Variants in CLASRP observed in about 807,000 individuals in gnomAD.
The protein encoded by CLASRP is CLK4-associating serine/arginine rich protein.
CLASRP carries 52 observed loss-of-function variants against 99.9 expected under a neutral mutation model. That is an observed-to-expected ratio of 0.52 (90% confidence interval 0.42 to 0.66). CLASRP has a LOEUF of 0.66. Ranked by LOEUF, CLASRP falls within the 30% of genes least tolerant of loss-of-function variation. The pLI, the probability that CLASRP is intolerant of heterozygous loss-of-function variation, is 0.00. For synonymous variants in CLASRP, 379 were observed against 373.0 expected, an observed-to-expected ratio of 1.02 and a Z score of -0.18; for missense variants, 848 against 999.2, an observed-to-expected ratio of 0.85 and a Z score of 2.04.
rs1015150244 is a variant in CLASRP at position 45,064,437 on chromosome 19, G to A, written c.1216G>A (p.Gly406Arg). Residue 406 changes from glycine to arginine, a missense_variant, in exon 13 of 21, where the codon GGG becomes AGG. Gly to Arg is a moderately radical substitution (Grantham distance 125, BLOSUM62 -2). This residue lies in a region of CLASRP where 489 missense variants were observed against 434.7 expected (regional missense o/e 1.12). Coordinates refer to ENST00000221455, the MANE Select transcript of CLASRP (RefSeq NM_007056.3). Reference sequence around the variant, plus strand: ...CTCCAGCTCCCGCTCTCGCCGTGGTGGGGGCTACTACCGTTCCGGCCGCCA... The same window carrying A: ...CTCCAGCTCCCGCTCTCGCCGTGGTAGGGGCTACTACCGTTCCGGCCGCCA... ...SRSSSRSRRG[G>R]GYYRSGRHAR... The A allele has an allele frequency of 2.6e-6, 4 of 1,525,346 alleles. No homozygotes were observed. Among genetic ancestry groups the A allele is most frequent in the Non-Finnish European group, 3.5e-6 (4 of 1,136,888 alleles). The allele number at this position is 1,525,346 out of a possible 1,614,324, so 94.5% of individuals were successfully genotyped here.
Position 45,067,578 on chromosome 19 carries a change from G to C in CLASRP, c.1651G>C (p.Gly551Arg). 1 of 1,599,652 alleles carries C rather than the reference G, an allele frequency of 6.3e-7. No homozygotes were observed. Among genetic ancestry groups the C allele is most frequent in the Non-Finnish European group, 8.5e-7 (1 of 1,174,692 alleles). The change falls in exon 14 of 21, where the codon GGC (glycine) becomes CGC (arginine). Residue 551 changes from glycine (G) to arginine (R), a missense_variant. Coordinates refer to ENST00000221455, the MANE Select transcript of CLASRP (RefSeq NM_007056.3). The surrounding 1 kb of genome is among the most constrained non-coding windows in gnomAD (Gnocchi z 4.9). ...CAGGCCGGCCGCGTCCCCTGCTGTG[G>C]GCGAGAAGCTGAAAAAGTGAGCGGG... ...LTRPAASPAV[G>R]EKLKKTEPAA...
At chr19:45,046,157 G>A (rs1971912451) in intron 2 of CLASRP, among the ~76,000 whole-genome samples, 1 of 152,156 alleles carries the variant, frequency 6.6e-6, no homozygotes, top group Admixed American at 6.6e-5. Context: ...CTTTGAGGAG[G>A]GGACTCTCAT....
chr19:45,068,207 C>T (rs1967138027), intron 15 of CLASRP, 153 bp downstream of exon 15: 4 of 704,460 alleles, frequency 5.7e-6, no homozygotes, highest in Non-Finnish European at 1.0e-5. Flanking sequence ...CTGTGAGAAC[C>T]ATGTCCCTCT....
Position 45,057,766 on chromosome 19 carries a change from GC to G in CLASRP, c.482del (p.Ala161ValfsTer15), listed in dbSNP as rs769112057. ...DEKKKLAEKK[A>X]SIGYTYEDST... ...CTTTCTCAGGCTGGCAGAGAAGAAG[GC>G]TTCCATCGGTTATACCTACGAGGAC... is the stretch of plus-strand genomic sequence containing the variant. On this transcript the variant is annotated frameshift_variant, in exon 7 of 21. Transcript: ENST00000221455. LOFTEE classifies it high-confidence loss of function. The G allele has an allele frequency of 6.2e-7, 1 of 1,614,030 alleles. No individual in the cohort carries two copies. Among genetic ancestry groups the G allele is most frequent in the Admixed American group, 1.7e-5 (1 of 60,004 alleles).
rs187420123 is a variant in CLASRP at position 45,044,317 on chromosome 19, C to T, written c.99+4006C>T. 3.7e-3 allele frequency among the ~76,000 whole-genome samples: 570 copies of T among 152,368 alleles called. 2 individuals are homozygous for T. The highest frequency in any genetic ancestry group is 0.013 in the African/African-American group (539 of 41,590). ...AAGGTGATGCCACGATAACAGCTAA[C>T]GCTGTTGGGCAGTTCTGTGGTAACC... On this transcript the variant is annotated intron_variant, in intron 2 of 20. Transcript: ENST00000221455.
chr19:45,049,852 G>T (rs1971988325), intron 2 of CLASRP, among the ~76,000 whole-genome samples: 1 of 152,162 alleles, frequency 6.6e-6, no homozygotes. Context: ...GGTGATGAAT[G>T]AATATTAGGT....
chr19:45,052,479 G>A (rs112497944), intron 3 of CLASRP, among the ~76,000 whole-genome samples: 1 of 152,040 alleles, frequency 6.6e-6, no homozygotes, highest in Non-Finnish European at 1.5e-5. Flanking sequence ...CCTGGGGCCC[G>A]CCCCTCAAAT....
In CLASRP at chr19:45,064,391, C is replaced by T; in HGVS notation, c.1170C>T (p.Ser390=). The change falls in exon 13 of 21, where the codon TCC becomes TCT. Residue 390 remains serine (S), a synonymous_variant. Transcript: ENST00000221455. ...SSSSSSASRT[S]SSRSSSRSSS... ...CCTCCTCTTCTGCCTCGAGGACCTC[C>T]AGCTCCCGCTCCAGCTCTCGCTCCA... 3.3e-6 allele frequency: 5 copies of T among 1,531,826 alleles called. No individual in the cohort carries two copies. Among genetic ancestry groups the T allele is most frequent in the Non-Finnish European group, 4.4e-6 (5 of 1,142,606 alleles). 94.9% of individuals were successfully genotyped at this position (1,531,826 alleles called of 1,614,324 possible).
At chr19:45,066,689 C>T (rs1967095176) in intron 13 of CLASRP, among the ~76,000 whole-genome samples, 1 of 150,690 alleles carries the variant, frequency 6.6e-6, no homozygotes, top group Admixed American at 6.6e-5. Flanking sequence ...AATTGGCTTC[C>T]AGGTCATATA....
intron 2 of CLASRP, among the ~76,000 whole-genome samples, chr19:45,043,434 A>AAAAT (rs1555729335): frequency 6.9e-6 from 1 of 145,812 alleles, no homozygotes; most frequent in Non-Finnish European, 1.5e-5. Flanking sequence ...AAAAAAAAAA[A>AAAAT]TTTTTTCCAT....
At chr19:45,065,029 G>T (rs1208398553) in intron 13 of CLASRP, among the ~76,000 whole-genome samples, 1 of 152,108 alleles carries the variant, frequency 6.6e-6, no homozygotes, top group Non-Finnish European at 1.5e-5. Flanking sequence ...GAAACCCCTT[G>T]CGGAGGGGGA....
intron 7 of CLASRP, 91 bp from the exon 8 acceptor site, chr19:45,059,177 C>T (rs900357780): frequency 3.2e-5 from 33 of 1,022,710 alleles, no homozygotes; most frequent in East Asian, 2.9e-4. Flanking sequence ...GTCTGGCGGG[C>T]GCCCCATCAT....
chr19:45,042,425 A>G (rs979419047), intron 2 of CLASRP, among the ~76,000 whole-genome samples: 2 of 151,842 alleles, frequency 1.3e-5, no homozygotes, highest in Non-Finnish European at 2.9e-5. Context: ...AGGCTGAGGC[A>G]GGAGAATTGC....
chr19:45,057,608 G>A (rs373383786), intron 6 of CLASRP, 142 bp from the exon 7 acceptor site: 2 of 879,388 alleles, frequency 2.3e-6, no homozygotes, highest in East Asian at 2.5e-5. Context: ...GAGGAGCTGG[G>A]TGTGGGCAGG....
chr19:45,062,179 T>C lies in CLASRP; in HGVS notation c.889T>C (p.Tyr297His). The part of the protein sequence containing the change: ...PSYARRDSPT[Y>H]DPYKRSPSES... ...CTATGCCCGCCGAGACAGCCCCACC[T>C]ATGACCCCTATAAGCGGTAAGTTGC... Residue 297 changes from tyrosine (Y) to histidine (H), a missense_variant, in exon 11 of 21, where the codon TAT becomes CAT. Physicochemically the swap from Tyr to His is moderately conservative, Grantham distance 83. This residue lies in a region of CLASRP where 489 missense variants were observed against 434.7 expected (regional missense o/e 1.12). Transcript: ENST00000221455. 1 of 1,545,518 alleles carries C rather than the reference T, an allele frequency of 6.5e-7. No individual in the cohort carries two copies. Among genetic ancestry groups the C allele is most frequent in the Non-Finnish European group, 8.9e-7 (1 of 1,117,724 alleles).
chr19:45,060,739 T>C lies in CLASRP; in HGVS notation c.863+112T>C. Reference sequence around the variant, plus strand: ...GGCATTTGACTTGAGAAAGGAGTCTTTCTAGTGGGGCGATGCATGGCCATC... The same window carrying C: ...GGCATTTGACTTGAGAAAGGAGTCTCTCTAGTGGGGCGATGCATGGCCATC... On this transcript the variant is annotated intron_variant, in intron 10 of 20. Coordinates refer to ENST00000221455, the MANE Select transcript of CLASRP (RefSeq NM_007056.3). This position sits in a 1 kb window ranked among gnomAD's most constrained non-coding sequence, Gnocchi z 4.6. 3 of 841,250 alleles carry C rather than the reference T, an allele frequency of 3.6e-6. No individual in the cohort carries two copies. The highest frequency in any genetic ancestry group is 3.7e-6 in the Non-Finnish European group (2 of 543,134). The allele number at this position is 841,250 out of a possible 1,614,324, so 52.1% of individuals were successfully genotyped here. A position where few individuals can be genotyped will look rare whatever the true frequency, so the allele number is the denominator to read the frequency against.
chr19:45,053,982 T>TA (rs1264648640), intron 5 of CLASRP, among the ~76,000 whole-genome samples: 3 of 152,238 alleles, frequency 2.0e-5, no homozygotes, highest in African/African-American at 7.2e-5. Flanking sequence ...TTGTGAGCTC[T>TA]AAAAAGGAAA....
intron 18 of CLASRP, chr19:45,069,713 C>G (rs1026893288): frequency 8.8e-6 from 4 of 455,238 alleles, no homozygotes; most frequent in Non-Finnish European, 1.6e-5. Flanking sequence ...GGTTGCCAAG[C>G]CTGGCCACTG....
chr19:45,042,527 A>G (rs540580501), intron 2 of CLASRP, among the ~76,000 whole-genome samples: 68 of 151,658 alleles, frequency 4.5e-4, no homozygotes, highest in East Asian at 1.7e-3. Context: ...ATATATATAT[A>G]TGTGTGTGTA....
Sources: allele counts gnomAD v4.1 joint callset (sites outside exome capture counted in the v4.1 genomes callset), GRCh38; gene constraint gnomAD v4.1.1; regional missense constraint gnomAD v4.1.1; non-coding constraint Gnocchi (gnomAD v3.1); transcripts MANE v1.5; gene names NCBI Gene and HGNC (gene_info 2026-07-23, HGNC 2026-07-21).